Variants in NHSL3 observed in about 807,000 individuals in gnomAD.
NHSL3 encodes NHS like 3, also known as NHS-like protein 3.
the NHSL3 span, among the ~76,000 whole-genome samples, chr1:32,760,021 C>T: frequency 6.6e-6 from 1 of 152,226 alleles, no homozygotes; most frequent in African/African-American, 2.4e-5. Flanking sequence ...GGAATAAAAT[C>T]TACATTCTGG....
At chr1:32,773,118 T>C in the NHSL3 span, 2 of 585,460 alleles carry the variant, frequency 3.4e-6, no homozygotes, top group South Asian at 4.1e-5. Context: ...CAGTTGCCGC[T>C]TCAGTCTTGG....
At chr1:32,772,769 T>C in the NHSL3 span, 6 of 1,214,422 alleles carry the variant, frequency 4.9e-6, no homozygotes, top group Non-Finnish European at 4.9e-6. Context: ...ATCAAAGCGG[T>C]AAGAAGGTTG....
At chr1:32,756,855 G>C in the NHSL3 span, among the ~76,000 whole-genome samples, 1 of 151,916 alleles carries the variant, frequency 6.6e-6, no homozygotes, top group Non-Finnish European at 1.5e-5. Context: ...TGTAATCCCA[G>C]CTACTTTTGA....
At chr1:32,753,906 C>T in the NHSL3 span, 1 of 225,802 alleles carries the variant, frequency 4.4e-6, no homozygotes. Flanking sequence ...AGGCCCCGCC[C>T]CTCCTCCGGG....
At chr1:32,756,136 A>C in the NHSL3 span, among the ~76,000 whole-genome samples, 1 of 152,210 alleles carries the variant, frequency 6.6e-6, no homozygotes, top group African/African-American at 2.4e-5. Flanking sequence ...TTAGAAAGCA[A>C]TGTCAAGACA....
chr1:32,752,946 CACACATATATAT>C, the NHSL3 span, among the ~76,000 whole-genome samples: 287 of 24,090 alleles, frequency 0.012, 1 homozygote, highest in South Asian at 0.026. Context: ...CACACACACA[CACACATATATAT>C]ATATATATAT....
At chr1:32,765,976 G>T in the NHSL3 span, 11 of 792,374 alleles carry the variant, frequency 1.4e-5, no homozygotes, top group African/African-American at 1.4e-4. Flanking sequence ...ATCCGGCTGT[G>T]CTTTTGTCCA....
At chr1:32,762,883 C>T in the NHSL3 span, among the ~76,000 whole-genome samples, 4 of 152,198 alleles carry the variant, frequency 2.6e-5, no homozygotes, top group South Asian at 6.2e-4. Context: ...CCACCACGCC[C>T]GGCCCGGTCT....
At chr1:32,773,085 T>C in the NHSL3 span, 1 of 606,920 alleles carries the variant, frequency 1.6e-6, no homozygotes, top group South Asian at 1.9e-5. Flanking sequence ...CTCATGCCTT[T>C]TCCCGAATGG....
chr1:32,750,727 T>C, the NHSL3 span, among the ~76,000 whole-genome samples: 1 of 152,016 alleles, frequency 6.6e-6, no homozygotes, highest in Non-Finnish European at 1.5e-5. Flanking sequence ...AGGCTGGTCT[T>C]AAACTGCTGA....
At chr1:32,770,746 C>G in the NHSL3 span, 1 of 1,569,758 alleles carries the variant, frequency 6.4e-7, no homozygotes, top group African/African-American at 1.3e-5. The surrounding 1 kb of genome is among the most constrained non-coding windows in gnomAD (Gnocchi z 8.3). Context: ...AGGGTTGCCC[C>G]CTAAGCCTGA....
the NHSL3 span, among the ~76,000 whole-genome samples, chr1:32,744,065 C>T: frequency 6.6e-5 from 10 of 152,134 alleles, no homozygotes; most frequent in African/African-American, 1.9e-4. Context: ...TGGCCAGGAA[C>T]GGGAAGCCTG....
chr1:32,767,804 A>G, the NHSL3 span: 1 of 1,611,088 alleles, frequency 6.2e-7, no homozygotes, highest in Non-Finnish European at 8.5e-7. Context: ...CAAGGCTGAG[A>G]ATGACAAACA....
the NHSL3 span, among the ~76,000 whole-genome samples, chr1:32,763,541 G>A: frequency 6.6e-6 from 1 of 152,070 alleles, no homozygotes; most frequent in Non-Finnish European, 1.5e-5. Context: ...TCAAGTGTCA[G>A]TTCCAATGTC....
the NHSL3 span, among the ~76,000 whole-genome samples, chr1:32,765,252 T>C: frequency 1.3e-5 from 2 of 152,140 alleles, no homozygotes; most frequent in African/African-American, 4.8e-5. Flanking sequence ...CCCACAGCCT[T>C]GCCATCCCAC....
At chr1:32,769,046 C>T in the NHSL3 span, 8 of 318,686 alleles carry the variant, frequency 2.5e-5, no homozygotes, top group African/African-American at 6.4e-5. Flanking sequence ...GTCAGGAGAT[C>T]GAGACCATCC....
chr1:32,750,353 G>C, the NHSL3 span, among the ~76,000 whole-genome samples: 1 of 152,190 alleles, frequency 6.6e-6, no homozygotes, highest in Non-Finnish European at 1.5e-5. Context: ...GGGCGATAGA[G>C]ACAGCTCAGC....
At chr1:32,767,637 T>G in the NHSL3 span, 1 of 656,664 alleles carries the variant, frequency 1.5e-6, no homozygotes, top group South Asian at 2.0e-5. Flanking sequence ...GAACTGTGGG[T>G]TATGTGTCCA....
At chr1:32,765,962 TC>T in the NHSL3 span, 2 of 839,520 alleles carry the variant, frequency 2.4e-6, no homozygotes, top group Non-Finnish European at 3.8e-6. Flanking sequence ...GGCCAGAATC[TC>T]CCATCCGGCT....
Sources: allele counts gnomAD v4.1 joint callset (sites outside exome capture counted in the v4.1 genomes callset), GRCh38; gene constraint gnomAD v4.1.1; non-coding constraint Gnocchi (gnomAD v3.1); transcripts MANE v1.5; gene names NCBI Gene and HGNC (gene_info 2026-07-23, HGNC 2026-07-21).